The following RNF214 variants were observed in gnomAD, a reference collection of about 807,000 sequenced individuals.
RNF214 encodes ring finger protein 214.
In RNF214, 25 loss-of-function variants were observed where a neutral mutation model predicts 75.9. The observed-to-expected ratio is 0.33, with a 90% CI of 0.24 to 0.46. The LOEUF is 0.46. Among genes scored for constraint, RNF214 ranks in the 20% least tolerant of loss-of-function variants. The probability of loss-of-function intolerance (pLI) is 1.00; values close to 1 mark genes in which losing one functional copy is unlikely to be tolerated. For missense variants in RNF214, 725 were observed against 857.5 expected (o/e 0.85, Z 1.93); for synonymous variants, 314 against 308.8 (o/e 1.02, Z -0.18).
At chr11:117,275,290 C>T (rs2033994465) in intron 6 of RNF214, among the ~76,000 whole-genome samples, 1 of 151,894 alleles carries the variant, frequency 6.6e-6, no homozygotes, top group East Asian at 1.9e-4. Flanking sequence ...GTGCCAAATG[C>T]CTTCATCAAA....
At chr11:117,273,999 G>A (rs1016468885) in intron 6 of RNF214, among the ~76,000 whole-genome samples, 5 of 152,102 alleles carry the variant, frequency 3.3e-5, no homozygotes, top group African/African-American at 7.2e-5. Context: ...CTTTAATCTC[G>A]TAGCAGGGTC....
intron 6 of RNF214, among the ~76,000 whole-genome samples, chr11:117,270,250 T>TC (rs1392819654): frequency 8.7e-5 from 9 of 103,626 alleles, no homozygotes; most frequent in Non-Finnish European, 1.6e-4. Context: ...TCTTTTTTTT[T>TC]TTTTTTTTTT....
rs2032840686 is a variant in RNF214, at chr11:117,234,349, A to G, written c.77A>G (p.Lys26Arg). ...PPESSSLCASKSDEGLPDGLS... is the reference protein window; with the variant it reads ...PPESSSLCASRSDEGLPDGLS... ...GAATCTTCTAGTTTATGTGCTTCCA[A>G]ATCAGACGAAGGTCTCCCAGATGGT... Residue 26 changes from lysine to arginine, a missense_variant, in exon 2 of 15, where the codon AAA becomes AGA. Around this residue, in one of 2 missense-constraint regions of RNF214, gnomAD observed 362 missense variants for 344.5 expected, o/e 1.05. Coordinates refer to ENST00000300650, the MANE Select transcript of RNF214 (RefSeq NM_207343.4). The G allele has an allele frequency of 3.7e-6, 6 of 1,613,960 alleles. No individual in the cohort carries two copies. The highest frequency in any genetic ancestry group is 5.1e-6 in the Non-Finnish European group (6 of 1,179,912).
intron 6 of RNF214, among the ~76,000 whole-genome samples, chr11:117,258,497 AACATATATACATGTACATAATTAATTAG>A (rs781522148): frequency 3.3e-5 from 5 of 152,118 alleles, no homozygotes; most frequent in Non-Finnish European, 7.3e-5. Context: ...TTTGCCCCTG[AACATATATACATGTACATAATTAATTAG>A]AGTTTAATAT....
At chr11:117,243,960 T>G (rs540123522) in intron 4 of RNF214, among the ~76,000 whole-genome samples, 1 of 152,320 alleles carries the variant, frequency 6.6e-6, no homozygotes, top group Non-Finnish European at 1.5e-5. Context: ...GTTTTCAGTG[T>G]TGTTAACCAG....
intron 6 of RNF214, among the ~76,000 whole-genome samples, chr11:117,274,100 A>C (rs668363): frequency 0.12 from 18,023 of 152,130 alleles, 1,040 homozygotes; most frequent in Middle Eastern, 0.15. Context: ...CATGTGCTGC[A>C]AGCCTCGTTT....
At chr11:117,270,241 CT>C (rs57144374) in intron 6 of RNF214, among the ~76,000 whole-genome samples, 1,095 of 75,710 alleles carry the variant, frequency 0.014, 6 homozygotes, top group African/African-American at 0.037. Context: ...CTTTTCTTTT[CT>C]TTTTTTTTTT....
intron 2 of RNF214, among the ~76,000 whole-genome samples, chr11:117,236,391 A>G (rs1645415890): frequency 1.3e-5 from 2 of 152,110 alleles, no homozygotes; most frequent in Non-Finnish European, 2.9e-5. Flanking sequence ...CTCCTGCCTA[A>G]GCCTCCTGAG....
At chr11:117,234,560 A>G (rs2032847901) in intron 2 of RNF214, among the ~76,000 whole-genome samples, 181 bp downstream of exon 2, 2 of 152,258 alleles carry the variant, frequency 1.3e-5, no homozygotes, top group Non-Finnish European at 2.9e-5. Flanking sequence ...CTCAGCAGGC[A>G]TGCTAAATGT....
At chr11:117,252,651 G>C (rs2033426610) in intron 6 of RNF214, among the ~76,000 whole-genome samples, 2 of 152,140 alleles carry the variant, frequency 1.3e-5, no homozygotes, top group South Asian at 4.2e-4. Context: ...CTCCCGAGTA[G>C]CTGGGACTAC....
rs768737539 is a variant in RNF214, at chr11:117,282,110, G to A, written c.1552G>A (p.Val518Ile). Reference protein sequence around the residue: ...GRNSPGLGSLVSPHGPHMPPA... With the variant: ...GRNSPGLGSLISPHGPHMPPA... ...AAATAGCCCTGGCTTGGGTTCCCTT[G>A]TCAGCCCCCACGGTCCACACATGCC... is the stretch of plus-strand genomic sequence containing the variant. Residue 518 changes from valine (V) to isoleucine (I), a missense_variant, in exon 11 of 15, where the codon GTC becomes ATC. Val to Ile is a conservative substitution (Grantham distance 29). Coordinates refer to ENST00000300650, the MANE Select transcript of RNF214 (RefSeq NM_207343.4). 8 of 1,613,820 alleles carry A rather than the reference G, an allele frequency of 5.0e-6. No individual in the cohort carries two copies. In the African/African-American group the frequency reaches 1.1e-4, roughly 22 times the overall value.
intron 2 of RNF214, among the ~76,000 whole-genome samples, chr11:117,238,150 T>A (rs1243200090): frequency 6.6e-6 from 1 of 152,206 alleles, no homozygotes; most frequent in African/African-American, 2.4e-5. Context: ...CTCACGCCTA[T>A]AATTCCAACA....
intron 6 of RNF214, among the ~76,000 whole-genome samples, chr11:117,259,771 T>C (rs930998440): frequency 6.6e-6 from 1 of 152,196 alleles, no homozygotes; most frequent in Non-Finnish European, 1.5e-5. Context: ...GGGTTGAGTT[T>C]TTGAGTTTTT....
intron 8 of RNF214, among the ~76,000 whole-genome samples, chr11:117,280,945 A>G (rs1201361786): frequency 3.7e-5 from 4 of 108,702 alleles, no homozygotes; most frequent in Admixed American, 1.0e-4. Flanking sequence ...GCCAGCTACT[A>G]TTTTGCTTTT....
At chr11:117,234,739 T>G (rs1355825196) in intron 2 of RNF214, among the ~76,000 whole-genome samples, 1 of 152,236 alleles carries the variant, frequency 6.6e-6, no homozygotes, top group Non-Finnish European at 1.5e-5. Flanking sequence ...TATGTATACA[T>G]ACAGATACAC....
chr11:117,281,729 C>A, intron 10 of RNF214, 31 bp downstream of exon 10: 1 of 1,566,548 alleles, frequency 6.4e-7, no homozygotes, highest in Non-Finnish European at 8.8e-7. Context: ...GGAAGTTCAC[C>A]TTTCTGTGTT....
intron 6 of RNF214, among the ~76,000 whole-genome samples, chr11:117,270,304 C>CT (rs1279695629): frequency 7.5e-6 from 1 of 132,574 alleles, no homozygotes; most frequent in Non-Finnish European, 1.5e-5. Context: ...GTTGTCCAGG[C>CT]TGCAGTATAG....
chr11:117,244,146 T>C (rs907568705), intron 4 of RNF214, among the ~76,000 whole-genome samples: 1 of 152,076 alleles, frequency 6.6e-6, no homozygotes, highest in Non-Finnish European at 1.5e-5. Flanking sequence ...CATGCCCAGC[T>C]AATTTTTGTA....
intron 6 of RNF214, among the ~76,000 whole-genome samples, chr11:117,254,090 C>T (rs2033463834): frequency 6.6e-6 from 1 of 151,902 alleles, no homozygotes; most frequent in African/African-American, 2.4e-5. Flanking sequence ...CCCATCTGTA[C>T]TTAAAAAAAT....
Sources: allele counts gnomAD v4.1 joint callset (sites outside exome capture counted in the v4.1 genomes callset), GRCh38; gene constraint gnomAD v4.1.1; regional missense constraint gnomAD v4.1.1; transcripts MANE v1.5; gene names NCBI Gene and HGNC (gene_info 2026-07-23, HGNC 2026-07-21).